The following RHBDF1 variants were observed in gnomAD, a reference collection of about 807,000 sequenced individuals.
The protein encoded by RHBDF1 is rhomboid 5 homolog 1.
In RHBDF1, 80 loss-of-function variants were observed where a neutral mutation model predicts 98.6. That is an observed-to-expected ratio of 0.81 (90% CI 0.68 to 0.98). The LOEUF is 0.98. Ranked by LOEUF, RHBDF1 falls within the 50% of genes least tolerant of loss-of-function variation. The pLI is 0.00. For missense variants in RHBDF1, 1,116 were observed against 1,198.3 expected (o/e 0.93, Z 1.01); for synonymous variants, 512 against 486.8 (o/e 1.05, Z -0.68).
At chr16:68,471 C>CG (rs922144983) in intron 1 of RHBDF1, among the ~76,000 whole-genome samples, 1 of 152,208 alleles carries the variant, frequency 6.6e-6, no homozygotes, top group African/African-American at 2.4e-5. Context: ...GAAAGCCCCT[C>CG]GGGGGGATCC....
rs1567120125 is a variant in RHBDF1 at position 72,583 on chromosome 16, C to CG, written c.-96_-95insC. The CG allele has an allele frequency of 3.1e-6, 3 of 978,336 alleles. No individual in the cohort carries two copies. Among genetic ancestry groups the CG allele is most frequent in the South Asian group, 4.7e-5 (1 of 21,236 alleles). 60.6% of individuals were successfully genotyped at this position (978,336 alleles called of 1,614,324 possible). A position where few individuals can be genotyped will look rare whatever the true frequency, so the allele number is the denominator to read the frequency against. On this transcript the variant is annotated 5_prime_UTR_variant, in exon 1 of 18. Transcript: ENST00000262316. ...AGGCTGCCGCCGCTGGCCGGGAGGG[C>CG]CCGCGCCGAGTCCCCGCCCGCCCGC... is the stretch of plus-strand genomic sequence containing the variant.
intron 1 of RHBDF1, among the ~76,000 whole-genome samples, chr16:70,557 A>G (rs1022520958): frequency 6.6e-6 from 1 of 152,248 alleles, no homozygotes; most frequent in Non-Finnish European, 1.5e-5. Flanking sequence ...GGTCCTCAGC[A>G]GCCTGGCTCA....
chr16:71,936 T>C (rs1897980715), intron 1 of RHBDF1, among the ~76,000 whole-genome samples: 1 of 152,172 alleles, frequency 6.6e-6, no homozygotes, highest in South Asian at 2.1e-4. Context: ...AGCTTCGAAG[T>C]GTACAGATGG....
chr16:64,332 C>A lies in RHBDF1; in HGVS notation c.248+367G>T, dbSNP rs1182562875. 6 of 1,352,684 alleles carry A rather than the reference C, an allele frequency of 4.4e-6. No individual in the cohort carries two copies. The South Asian group carries it at 4.9e-5, about 11-fold the overall frequency. 83.8% of individuals were successfully genotyped at this position (1,352,684 alleles called of 1,614,324 possible). A position where few individuals can be genotyped will look rare whatever the true frequency, so the allele number is the denominator to read the frequency against. ...ACACACTCATGACCTGTATGAGATA[C>A]CTGAGCAGGGACCAAGAGAGAGACT... On this transcript the variant is annotated intron_variant, in intron 3 of 17. Transcript: ENST00000262316.
chr16:58,667 G>C lies in RHBDF1; in HGVS notation c.2241C>G (p.Ala747=). The change falls in exon 18 of 18, where the codon GCC becomes GCG. Residue 747 remains alanine (A), a synonymous_variant. Coordinates refer to ENST00000262316, the MANE Select transcript of RHBDF1 (RefSeq NM_022450.5). The part of the protein sequence containing the change: ...SWQILARPWR[A]FFKLLAVVLF... The stretch of plus-strand genomic sequence containing the variant: ...GCACCACAGCCAGCAGCTTGAAGAA[G>C]GCACGCCAGGGCCGCGCCAGGATCT... The C allele has an allele frequency of 6.2e-7, 1 of 1,613,236 alleles. No homozygotes were observed. The highest frequency in any genetic ancestry group is 8.5e-7 in the Non-Finnish European group (1 of 1,180,002).
At chr16:59,515 T>C (rs1236261001) in intron 14 of RHBDF1, 21 bp from the exon 15 acceptor site, 1 of 1,608,878 alleles carries the variant, frequency 6.2e-7, no homozygotes, top group Non-Finnish European at 8.5e-7. Flanking sequence ...AGGCCAGGGT[T>C]CGGAGACTGC....
At position 64,691 on chromosome 16, in the gene RHBDF1, G is replaced by A; in HGVS notation, c.248+8C>T. On this transcript the variant is annotated splice_region_variant and intron_variant, in intron 3 of 17. Coordinates refer to ENST00000262316, the MANE Select transcript of RHBDF1 (RefSeq NM_022450.5). Reference sequence around the variant, plus strand: ...CCACCCCATGGAGCAGCTGGGCGGTGTTGGTACCTGCGGATGGTCTGTGTG... The same window carrying A: ...CCACCCCATGGAGCAGCTGGGCGGTATTGGTACCTGCGGATGGTCTGTGTG... 4 of 1,605,964 alleles carry A rather than the reference G, an allele frequency of 2.5e-6. No homozygotes were observed. The highest frequency in any genetic ancestry group is 1.1e-5 in the South Asian group (1 of 90,328).
At chr16:65,703 G>C (rs1897810658) in intron 1 of RHBDF1, among the ~76,000 whole-genome samples, 2 of 152,220 alleles carry the variant, frequency 1.3e-5, no homozygotes, top group South Asian at 4.1e-4. Flanking sequence ...GCACATGACA[G>C]CCTGCAAGAG....
chr16:63,021 T>C lies in RHBDF1; in HGVS notation c.624A>G (p.Arg208=), dbSNP rs370013567. 815 of 1,612,244 alleles carry C rather than the reference T, an allele frequency of 5.1e-4. 9 individuals are homozygous for C. The South Asian group carries it at 8.2e-3, about 16-fold the overall frequency. The part of the protein sequence containing the change: ...GFHRLPRRRK[R]ESVAKMSFRA... ...GGAAGCTCATCTTGGCCACCGACTCTCGCTTGCGCCGCCGCGGGAGCCGGT... is the reference window on the plus strand; with the variant it reads ...GGAAGCTCATCTTGGCCACCGACTCCCGCTTGCGCCGCCGCGGGAGCCGGT... Residue 208 remains arginine (R), a synonymous_variant, in exon 5 of 18, where the codon CGA becomes CGG. Coordinates refer to ENST00000262316, the MANE Select transcript of RHBDF1 (RefSeq NM_022450.5).
chr16:64,557 G>C, intron 3 of RHBDF1, 142 bp downstream of exon 3: 1 of 1,545,220 alleles, frequency 6.5e-7, no homozygotes, highest in Non-Finnish European at 8.7e-7. Context: ...ACAGGAGGAG[G>C]GCAAGGGGAT....
upstream of RHBDF1, among the ~76,000 whole-genome samples, chr16:73,588 G>A (rs969546227): frequency 6.6e-6 from 1 of 152,204 alleles, no homozygotes; most frequent in Non-Finnish European, 1.5e-5. Flanking sequence ...GGACAGGGGT[G>A]CCAACAGCAG....
chr16:63,893 C>G (rs1301235507), intron 3 of RHBDF1, 93 bp from the exon 4 acceptor site: 40 of 1,077,968 alleles, frequency 3.7e-5, no homozygotes, highest in Non-Finnish European at 5.3e-5. Flanking sequence ...ATGCTGCCCC[C>G]AGGCCTGTAG....
In RHBDF1 at chr16:63,711, T is replaced by G; in HGVS notation, c.338A>C (p.Tyr113Ser). 6.2e-7 allele frequency: 1 copy of G among 1,613,656 alleles called. No homozygotes were observed. The highest frequency in any genetic ancestry group is 8.5e-7 in the Non-Finnish European group (1 of 1,179,960). Residue 113 changes from tyrosine to serine, a missense_variant, in exon 4 of 18, where the codon TAC (tyrosine) becomes TCC (serine). Coordinates refer to ENST00000262316, the MANE Select transcript of RHBDF1 (RefSeq NM_022450.5). Reference sequence around the variant, plus strand: ...GAGGACCTGGGGCTTCAGCTTCCCGTAGCGCTGGCTGCAGTGACGGATGCT... The same window carrying G: ...GAGGACCTGGGGCTTCAGCTTCCCGGAGCGCTGGCTGCAGTGACGGATGCT... Reference protein sequence around the residue: ...RKSIRHCSQRYGKLKPQVLRE... With the variant: ...RKSIRHCSQRSGKLKPQVLRE...
Position 64,957 on chromosome 16 carries a change from AGCCAGGG to A in RHBDF1, c.52_58del (p.Pro18Ter). The A allele has an allele frequency of 6.4e-7, 1 of 1,574,028 alleles. No homozygotes were observed. The highest frequency in any genetic ancestry group is 8.6e-7 in the Non-Finnish European group (1 of 1,156,498). On this transcript the variant is annotated frameshift_variant, in exon 2 of 18. Transcript: ENST00000262316. LOFTEE classifies it high-confidence loss of function. ...CACCGCAGAGGGAATGTCCAGCTTT[AGCCAGGG>A]TGGCTTCTTGCGCTGCAGGCTGCTC...
At position 61,136 on chromosome 16, in the gene RHBDF1, G is replaced by A. The variant is rs781091139; in HGVS notation, c.1541C>T (p.Ser514Leu). 6.5e-6 allele frequency: 10 copies of A among 1,533,844 alleles called. No homozygotes were observed. In the South Asian group the frequency reaches 8.3e-5, roughly 13 times the overall value. ...GAAACGCACCGAGCACTCCTCCTCCGAGGTCTGCACGCAGCCCGACCTGTC... is the reference window on the plus strand; with the variant it reads ...GAAACGCACCGAGCACTCCTCCTCCAAGGTCTGCACGCAGCCCGACCTGTC... ...RNDRSGCVQT[S>L]EEECSSTLAV... Residue 514 changes from serine to leucine, a missense_variant, in exon 11 of 18, where the codon TCG becomes TTG. Transcript: ENST00000262316.
upstream of RHBDF1, chr16:73,934 C>G (rs1898039904): frequency 1.0e-6 from 1 of 985,232 alleles, no homozygotes; most frequent in African/African-American, 1.7e-5. Context: ...ATCCCAGAGC[C>G]TGGGCAAGAT....
chr16:64,923 C>T lies in RHBDF1; in HGVS notation c.93G>A (p.Thr31=), dbSNP rs762339205. ...KLDIPSAVPL[T]AEEPSFLQPL... Reference sequence around the variant, plus strand: ...CCTGCAGGAAGCTGGGCTCTTCTGCCGTCAGGGGCACCGCAGAGGGAATGT... The same window carrying T: ...CCTGCAGGAAGCTGGGCTCTTCTGCTGTCAGGGGCACCGCAGAGGGAATGT... The change falls in exon 2 of 18, where the codon ACG becomes ACA. Residue 31 remains threonine (T), a synonymous_variant. Transcript: ENST00000262316. 2.6e-5 allele frequency: 42 copies of T among 1,604,162 alleles called. No individual in the cohort carries two copies. Among genetic ancestry groups the T allele is most frequent in the South Asian group, 5.5e-5 (5 of 90,592 alleles).
In RHBDF1 at chr16:61,829, T is replaced by G; in HGVS notation, c.1177A>C (p.Lys393Gln). 1 of 1,612,674 alleles carries G rather than the reference T, an allele frequency of 6.2e-7. No homozygotes were observed. The highest frequency in any genetic ancestry group is 8.5e-7 in the Non-Finnish European group (1 of 1,179,780). ...TCGTCCATGTCCTCGATCTGGCGCT[T>G]GACGAAGCTGTCGATGCGCTTGCGG... The part of the protein sequence containing the change: ...TYRKRIDSFV[K>Q]RQIEDMDDHR... The change falls in exon 8 of 18, where the codon AAG becomes CAG. Residue 393 changes from lysine (K) to glutamine (Q), a missense_variant. Physicochemically the swap from Lys to Gln is moderately conservative, Grantham distance 53 (BLOSUM62 1). Transcript: ENST00000262316.
intron 1 of RHBDF1, among the ~76,000 whole-genome samples, chr16:69,074 T>C (rs1193457435): frequency 2.0e-5 from 3 of 151,952 alleles, no homozygotes; most frequent in African/African-American, 4.8e-5. Context: ...TACTTGGCAC[T>C]CTCTGAGGGG....
Sources: gnomAD v4.1 joint callset for allele counts (sites outside exome capture counted in the v4.1 genomes callset) on GRCh38, gnomAD v4.1.1 for gene constraint, MANE v1.5 for transcripts, NCBI Gene and HGNC (gene_info 2026-07-23, HGNC 2026-07-21) for gene names.